Variants in NCKAP1 observed in about 807,000 individuals in gnomAD.
NCKAP1 encodes the protein NCK associated protein 1, also known as nck-associated protein 1.
Under a neutral mutation model 151.2 loss-of-function variants are expected in NCKAP1, and 21 were observed. That is an observed-to-expected ratio of 0.14 (90% CI 0.10 to 0.20). NCKAP1 has a LOEUF of 0.20. NCKAP1 is among the 10% of genes least tolerant of loss of function. The pLI, the probability that NCKAP1 is intolerant of heterozygous loss-of-function variation, is 1.00. For missense variants in NCKAP1, 933 were observed against 1,352.1 expected, an observed-to-expected ratio of 0.69 and a Z score of 4.86; for synonymous variants, 484 against 451.8, an observed-to-expected ratio of 1.07 and a Z score of -0.90.
chr2:182,976,461 C>T (rs1299347477), intron 15 of NCKAP1, among the ~76,000 whole-genome samples: 3 of 152,234 alleles, frequency 2.0e-5, no homozygotes, highest in Non-Finnish European at 2.9e-5. Context: ...GGTGCTCTCA[C>T]ACTGCAATGG....
chr2:183,026,938 A>AAT (rs1336724611), intron 1 of NCKAP1, among the ~76,000 whole-genome samples: 6 of 152,108 alleles, frequency 3.9e-5, no homozygotes, highest in South Asian at 2.1e-4. Flanking sequence ...TCTTTATCAT[A>AAT]ATATATATAT....
In NCKAP1 at chr2:182,973,986, T is replaced by C. The variant is rs1042615284; in HGVS notation, c.1482+2907A>G. ...TTACATTTTTTATGCTTTGTCTCCATAGCTAGATTATAAAATCCTCAAAAG... is the reference window on the plus strand; with the variant it reads ...TTACATTTTTTATGCTTTGTCTCCACAGCTAGATTATAAAATCCTCAAAAG... On this transcript the variant is annotated intron_variant, in intron 15 of 30. Transcript: ENST00000361354. 1.4e-4 allele frequency among the ~76,000 whole-genome samples: 22 copies of C among 152,190 alleles called. 1 individual carries two copies. Among genetic ancestry groups the C allele is most frequent in the Admixed American group, 1.3e-3 (20 of 15,276 alleles).
At chr2:182,962,769 T>C (rs1697482021) in intron 17 of NCKAP1, among the ~76,000 whole-genome samples, 1 of 150,054 alleles carries the variant, frequency 6.7e-6, no homozygotes, top group Admixed American at 6.7e-5. Flanking sequence ...AATTTGGTAA[T>C]AGAAAGTCCA....
chr2:182,933,108 A>T (rs1196003912), intron 26 of NCKAP1, among the ~76,000 whole-genome samples: 2 of 152,232 alleles, frequency 1.3e-5, no homozygotes, highest in Non-Finnish European at 2.9e-5. Flanking sequence ...AAGAAAGAAG[A>T]AGTTCTTTAT....
intron 26 of NCKAP1, among the ~76,000 whole-genome samples, chr2:182,931,381 C>A (rs1448761591): frequency 1.3e-5 from 2 of 151,936 alleles, no homozygotes; most frequent in East Asian, 3.9e-4. Flanking sequence ...TAACTGGTTA[C>A]CTCTGATATT....
chr2:183,003,077 T>G lies in NCKAP1; in HGVS notation c.313-47A>C, dbSNP rs1369360825. 4.0e-6 allele frequency: 6 copies of G among 1,513,336 alleles called. No homozygotes were observed. The East Asian group carries it at 6.9e-5, about 17-fold the overall frequency. 93.7% of individuals were successfully genotyped at this position (1,513,336 alleles called of 1,614,324 possible). ...AATCTTTTATCTGTATAAATCTGTT[T>G]AAATTCAGAAAACACAAACAAATAA... On this transcript the variant is annotated intron_variant, in intron 3 of 30. Coordinates refer to ENST00000361354, the MANE Select transcript of NCKAP1 (RefSeq NM_013436.5).
At chr2:182,926,465 C>T (rs532625302) in intron 30 of NCKAP1, among the ~76,000 whole-genome samples, 78 of 151,952 alleles carry the variant, frequency 5.1e-4, no homozygotes, top group Middle Eastern at 6.8e-3. Flanking sequence ...CAGAAAATTA[C>T]GAGAAATGGG....
intron 1 of NCKAP1, among the ~76,000 whole-genome samples, chr2:183,032,884 C>CA (rs200396253): frequency 0.027 from 4,044 of 151,706 alleles, 78 homozygotes; most frequent in Non-Finnish European, 0.04. Flanking sequence ...CCAACTCTAT[C>CA]AAAAAAAATA....
rs1697834849 is a variant in NCKAP1 at position 182,976,882 on chromosome 2, G to T, written c.1482+11C>A. The T allele has an allele frequency of 4.1e-6, 6 of 1,470,852 alleles. No homozygotes were observed. Among genetic ancestry groups the T allele is most frequent in the Non-Finnish European group, 5.4e-6 (6 of 1,101,884 alleles). 91.1% of individuals were successfully genotyped at this position (1,470,852 alleles called of 1,614,324 possible). On this transcript the variant is annotated intron_variant, in intron 15 of 30. Transcript: ENST00000361354. ...TAACAAAACAGAATGACAATAAAAG[G>T]TTATTCTTACCTGTAACCTAAACCA... is the stretch of plus-strand genomic sequence containing the variant.
At chr2:183,009,579 T>C (rs545532699) in intron 2 of NCKAP1, among the ~76,000 whole-genome samples, 9 of 152,208 alleles carry the variant, frequency 5.9e-5, no homozygotes, top group Non-Finnish European at 1.3e-4. Flanking sequence ...GTATACTAAA[T>C]TGAATCCTCT....
intron 2 of NCKAP1, among the ~76,000 whole-genome samples, chr2:183,011,573 T>A (rs946223528): frequency 6.6e-6 from 1 of 152,236 alleles, no homozygotes; most frequent in Admixed American, 6.5e-5. Context: ...CACTTATTCA[T>A]GTTATAGCGT....
chr2:182,974,360 T>C (rs1697762635), intron 15 of NCKAP1, among the ~76,000 whole-genome samples: 1 of 151,998 alleles, frequency 6.6e-6, no homozygotes, highest in East Asian at 1.9e-4. Context: ...CATTGAATTG[T>C]ATCCCCGAAG....
intron 8 of NCKAP1, among the ~76,000 whole-genome samples, chr2:182,994,601 T>G (rs1698231306): frequency 6.7e-6 from 1 of 150,252 alleles, no homozygotes; most frequent in South Asian, 2.1e-4. Flanking sequence ...ATTGTGCCAC[T>G]GCACTCCACC....
chr2:183,035,907 TATTTC>T (rs1396505962), intron 1 of NCKAP1, among the ~76,000 whole-genome samples: 1 of 152,120 alleles, frequency 6.6e-6, no homozygotes, highest in Non-Finnish European at 1.5e-5. Context: ...AATACTCTAG[TATTTC>T]AAAAATTACA....
At chr2:182,960,862 C>T (rs1175049931) in intron 18 of NCKAP1, among the ~76,000 whole-genome samples, 1 of 151,996 alleles carries the variant, frequency 6.6e-6, no homozygotes, top group Non-Finnish European at 1.5e-5. Flanking sequence ...CCAGAATCTA[C>T]AATGAACTCA....
At position 183,000,267 on chromosome 2, in the gene NCKAP1, A is replaced by G. The variant is rs894308684; in HGVS notation, c.603+1686T>C. On this transcript the variant is annotated intron_variant, in intron 6 of 30. Transcript: ENST00000361354. ...TAAGTGGTCTAAATTCAAATGAATT[A>G]TCCTATGTAATTATCAATAACCTAC... 2.0e-5 allele frequency among the ~76,000 whole-genome samples: 3 copies of G among 152,242 alleles called. No homozygotes were observed. The East Asian group carries it at 5.8e-4, about 29-fold the overall frequency.
intron 18 of NCKAP1, among the ~76,000 whole-genome samples, chr2:182,957,801 T>C (rs1363944580): frequency 6.7e-6 from 1 of 150,140 alleles, no homozygotes; most frequent in Non-Finnish European, 1.5e-5. Context: ...GGGTAGATCT[T>C]GGGTAAATCT....
chr2:183,027,691 C>T (rs551634346), intron 1 of NCKAP1, among the ~76,000 whole-genome samples: 1 of 151,792 alleles, frequency 6.6e-6, no homozygotes, highest in Non-Finnish European at 1.5e-5. Flanking sequence ...CCTATCTCTA[C>T]AAAAAAATTT....
chr2:182,975,170 T>C (rs553738407), intron 15 of NCKAP1, among the ~76,000 whole-genome samples: 28 of 152,296 alleles, frequency 1.8e-4, no homozygotes, highest in African/African-American at 6.5e-4. Flanking sequence ...TTTTTACAAG[T>C]TCTACTTTTG....
Sources: allele counts gnomAD v4.1 joint callset (sites outside exome capture counted in the v4.1 genomes callset), GRCh38; gene constraint gnomAD v4.1.1; transcripts MANE v1.5; gene names NCBI Gene and HGNC (gene_info 2026-07-23, HGNC 2026-07-21).